Variants in INSIG2 observed in about 807,000 individuals in gnomAD.
The protein encoded by INSIG2 is insulin-induced gene 2 protein.
A neutral mutation model predicts 27.2 loss-of-function variants in INSIG2; 10 were observed. The ratio of observed to expected loss-of-function variants is 0.37; its 90% CI spans 0.23 to 0.62. The LOEUF is 0.62. INSIG2 is among the 20% of genes least tolerant of loss of function. INSIG2 has a pLI of 0.65. For missense variants in INSIG2, 178 were observed against 270.2 expected (o/e 0.66, Z 2.39); for synonymous variants, 97 against 95.8 (o/e 1.01, Z -0.07).
rs1013819321 is a variant in INSIG2 at position 118,099,189 on chromosome 2, G to A, written c.244+2389G>A. ...CATATGTTTTTGTGTATATGTGTTGGCGTGGATTTTCAAGACCTCGCTAGG... is the reference window on the plus strand; with the variant it reads ...CATATGTTTTTGTGTATATGTGTTGACGTGGATTTTCAAGACCTCGCTAGG... On this transcript the variant is annotated intron_variant, in intron 2 of 5. Transcript: ENST00000245787. Among the ~76,000 whole-genome samples, 12 of 152,284 alleles carry A rather than the reference G, an allele frequency of 7.9e-5. 1 individual carries two copies. The South Asian group carries it at 2.5e-3, about 32-fold the overall frequency.
Position 118,109,826 on chromosome 2 carries a change from A to G in INSIG2, c.*1504A>G, listed in dbSNP as rs1346591811. 6.6e-6 allele frequency: 1 copy of G among 152,444 alleles called. No individual in the cohort carries two copies. The highest frequency in any genetic ancestry group is 1.5e-5 in the Non-Finnish European group (1 of 68,004). The allele number at this position is 152,444 out of a possible 1,614,324, so 9.4% of individuals were successfully genotyped here. On this transcript the variant is annotated 3_prime_UTR_variant, in exon 6 of 6. Transcript: ENST00000245787. ...TGAATATGTGTACACAATCTTAACT[A>G]TCGTGGTGGAAAACATACTACTATA...
rs58018715 is a variant in INSIG2 at position 118,096,518 on chromosome 2, ATTT to A, written c.-28_-26del. ...AGCTTTTCAGCTGGGAAGCCTTTCC[ATTT>A]TTTTTTTTTTAACGGCTTTCTGAAC... On this transcript the variant is annotated 5_prime_UTR_variant, in exon 2 of 6. Transcript: ENST00000245787. 1.2e-5 allele frequency: 16 copies of A among 1,385,458 alleles called. No homozygotes were observed. The highest frequency in any genetic ancestry group is 1.5e-5 in the African/African-American group (1 of 68,348). The allele number at this position is 1,385,458 out of a possible 1,614,324, so 85.8% of individuals were successfully genotyped here.
rs766529047 is a variant in INSIG2, at chr2:118,108,257, CT to C, written c.637-20del. On this transcript the variant is annotated intron_variant, in intron 5 of 5. Coordinates refer to ENST00000245787, the MANE Select transcript of INSIG2 (RefSeq NM_016133.4). ...TCAAAAGAAGTCTTAATCTGTTAAC[CT>C]TTTAACCTTTTAATTTTTGCAGTAC... 7.7e-5 allele frequency: 120 copies of C among 1,552,574 alleles called. 1 individual carries two copies. The South Asian group carries it at 1.3e-3, about 17-fold the overall frequency.
chr2:118,104,812 C>G (rs1050518332), intron 3 of INSIG2, among the ~76,000 whole-genome samples: 11 of 152,152 alleles, frequency 7.2e-5, no homozygotes, highest in Non-Finnish European at 1.5e-4. Context: ...TAGACACTTC[C>G]ACTTTGATTT....
chr2:118,110,388 A>G lies in INSIG2; in HGVS notation c.*2066A>G, dbSNP rs1424005429. The G allele has an allele frequency of 6.6e-6, 1 of 152,238 alleles. No individual in the cohort carries two copies. Among genetic ancestry groups the G allele is most frequent in the East Asian group, 1.9e-4 (1 of 5,200 alleles). The allele number at this position is 152,238 out of a possible 1,614,324, so 9.4% of individuals were successfully genotyped here. A position where few individuals can be genotyped will look rare whatever the true frequency, so the allele number is the denominator to read the frequency against. On this transcript the variant is annotated 3_prime_UTR_variant, in exon 6 of 6. Transcript: ENST00000245787. ...TTTACTCTTCATTCAGTGGAAGTGG[A>G]CCATCCTAAAAGTCTTCACTCATGC...
At position 118,096,456 on chromosome 2, in the gene INSIG2, A is replaced by C; in HGVS notation, c.-101A>C. On this transcript the variant is annotated 5_prime_UTR_variant, in exon 2 of 6. Coordinates refer to ENST00000245787, the MANE Select transcript of INSIG2 (RefSeq NM_016133.4). The stretch of plus-strand genomic sequence containing the variant: ...GTCCTACTTTAGGACAAGATGTGGT[A>C]CCGTTGAAGCGTCAGTCTTTGATTC... The C allele has an allele frequency of 8.3e-7, 1 of 1,199,286 alleles. No homozygotes were observed. Among genetic ancestry groups the C allele is most frequent in the Non-Finnish European group, 1.2e-6 (1 of 865,470 alleles). The allele number at this position is 1,199,286 out of a possible 1,614,324, so 74.3% of individuals were successfully genotyped here.
chr2:118,096,688 A>C lies in INSIG2; in HGVS notation c.132A>C (p.Leu44Phe), dbSNP rs756111660. The C allele has an allele frequency of 6.2e-7, 1 of 1,614,048 alleles. No individual in the cohort carries two copies. The highest frequency in any genetic ancestry group is 2.2e-5 in the East Asian group (1 of 44,872). The part of the protein sequence containing the change: ...VLFFIGVFLA[L>F]VLNLLQIQRN... ...TTTTTATTGGAGTATTTCTTGCATT[A>C]GTGTTAAATTTACTTCAGATTCAGA... The change falls in exon 2 of 6, where the codon TTA becomes TTC. Residue 44 changes from leucine to phenylalanine, a missense_variant. Physicochemically the swap from Leu to Phe is conservative, Grantham distance 22. Coordinates refer to ENST00000245787, the MANE Select transcript of INSIG2 (RefSeq NM_016133.4).
At chr2:118,104,432 G>A (rs1457941077) in intron 3 of INSIG2, among the ~76,000 whole-genome samples, 3 of 152,126 alleles carry the variant, frequency 2.0e-5, no homozygotes, top group Non-Finnish European at 4.4e-5. Context: ...TCCCTCAGTG[G>A]CTATTATTAG....
chr2:118,097,075 G>C (rs912146748), intron 2 of INSIG2, among the ~76,000 whole-genome samples: 2 of 152,096 alleles, frequency 1.3e-5, no homozygotes, highest in Admixed American at 1.3e-4. Context: ...CCAGCCTCAG[G>C]CTACCACTGA....
intron 3 of INSIG2, among the ~76,000 whole-genome samples, chr2:118,104,552 A>T (rs1678627386): frequency 1.3e-5 from 2 of 152,362 alleles, no homozygotes; most frequent in South Asian, 4.1e-4. Flanking sequence ...TAAAAAGTTA[A>T]AATCATATAC....
chr2:118,106,089 C>T (rs1468549214), intron 3 of INSIG2, among the ~76,000 whole-genome samples: 1 of 152,160 alleles, frequency 6.6e-6, no homozygotes, highest in African/African-American at 2.4e-5. Flanking sequence ...ACCAAAATAG[C>T]TTGGCAGGTT....
chr2:118,093,295 GAT>G (rs1678307519), intron 1 of INSIG2, among the ~76,000 whole-genome samples: 1 of 67,848 alleles, frequency 1.5e-5, no homozygotes, highest in Non-Finnish European at 2.8e-5. Context: ...ACCAGATGAT[GAT>G]GATGAGGAGG....
Position 118,096,566 on chromosome 2 carries a change from G to A in INSIG2, c.10G>A (p.Gly4Arg). The A allele has an allele frequency of 6.2e-7, 1 of 1,613,118 alleles. No homozygotes were observed. Residue 4 changes from glycine to arginine, a missense_variant, in exon 2 of 6, where the codon GGA (glycine) becomes AGA (arginine). Physicochemically the swap from Gly to Arg is moderately radical, Grantham distance 125. Transcript: ENST00000245787. ...CTGAACCTATGAAACCATGGCAGAA[G>A]GAGAGACAGAGTCACCTGGGCCCAA... MAE[G>R]ETESPGPKKC...
intron 1 of INSIG2, among the ~76,000 whole-genome samples, chr2:118,092,321 T>A (rs541850479): frequency 6.6e-6 from 1 of 152,346 alleles, no homozygotes; most frequent in East Asian, 1.9e-4. Flanking sequence ...TGCTATTTTT[T>A]CTTTTTACTT....
intron 2 of INSIG2, among the ~76,000 whole-genome samples, chr2:118,098,876 A>C (rs1328807780): frequency 6.6e-6 from 1 of 152,212 alleles, no homozygotes; most frequent in Non-Finnish European, 1.5e-5. Flanking sequence ...ATTTCTTCTG[A>C]AAGCAGTTTG....
intron 1 of INSIG2, among the ~76,000 whole-genome samples, chr2:118,095,066 A>C (rs749840114): frequency 6.6e-6 from 1 of 152,254 alleles, no homozygotes; most frequent in Non-Finnish European, 1.5e-5. Flanking sequence ...TTAATATAAT[A>C]GTGAATAAGA....
At chr2:118,103,820 C>G (rs1678609151) in intron 3 of INSIG2, among the ~76,000 whole-genome samples, 2 of 151,948 alleles carry the variant, frequency 1.3e-5, no homozygotes, top group Non-Finnish European at 2.9e-5. Flanking sequence ...GAAATACCAA[C>G]TTAGACCTTG....
chr2:118,100,718 T>C (rs773133145), intron 2 of INSIG2, among the ~76,000 whole-genome samples: 3 of 152,112 alleles, frequency 2.0e-5, no homozygotes, highest in Non-Finnish European at 4.4e-5. Context: ...GAACCAGACA[T>C]ATTGTCAGGG....
chr2:118,099,400 G>T (rs1367418998), intron 2 of INSIG2, among the ~76,000 whole-genome samples: 2 of 152,152 alleles, frequency 1.3e-5, no homozygotes, highest in African/African-American at 4.8e-5. Context: ...TGCTAGTGGT[G>T]GTTCTGGTGG....
Sources: gnomAD v4.1 joint callset for allele counts (sites outside exome capture counted in the v4.1 genomes callset) on GRCh38, gnomAD v4.1.1 for gene constraint, MANE v1.5 for transcripts, NCBI Gene and HGNC (gene_info 2026-07-23, HGNC 2026-07-21) for gene names.